BCKDHB: variants seen among roughly 807,000 people sequenced by gnomAD.
BCKDHB encodes 2-oxoisovalerate dehydrogenase subunit beta, mitochondrial.
Under a neutral mutation model 48.5 loss-of-function variants are expected in BCKDHB, and 41 were observed. That is an observed-to-expected ratio of 0.85 (90% CI 0.66 to 1.10). BCKDHB has a LOEUF of 1.10. Among genes scored for constraint, BCKDHB ranks in the 50% least tolerant of loss-of-function variants. The probability of loss-of-function intolerance (pLI) is 0.00; values close to 1 mark genes in which losing one functional copy is unlikely to be tolerated. For missense variants in BCKDHB, 496 were observed against 494.2 expected (o/e 1.00, Z -0.03); for synonymous variants, 201 against 174.8 (o/e 1.15, Z -1.18).
the BCKDHB span, among the ~76,000 whole-genome samples, chr6:80,398,247 A>G: frequency 5.2e-5 from 1 of 19,312 alleles, no homozygotes. Context: ...AAACTGAAGG[A>G]GATTGAGAAA....
intron 8 of BCKDHB, among the ~76,000 whole-genome samples, chr6:80,270,497 G>A (rs1237690815): frequency 6.6e-6 from 1 of 151,918 alleles, no homozygotes; most frequent in Non-Finnish European, 1.5e-5. Context: ...TAGACAAGTG[G>A]CAATTTCCAC....
the BCKDHB span, among the ~76,000 whole-genome samples, chr6:80,397,358 C>T: frequency 6.6e-6 from 1 of 152,184 alleles, no homozygotes; most frequent in Non-Finnish European, 1.5e-5. Context: ...TATTGCTACT[C>T]TTGTTTCCTT....
In BCKDHB at chr6:80,145,427, T is replaced by C. The variant is rs976672258; in HGVS notation, c.343+16198T>C. ...GGGGACTTTCCCCCAAACCACCTCA[T>C]CCATACATCAAATCTAAGTAAAAAC... On this transcript the variant is annotated intron_variant, in intron 3 of 9. Transcript: ENST00000320393. Among the ~76,000 whole-genome samples, 7 of 152,296 alleles carry C rather than the reference T, an allele frequency of 4.6e-5. No homozygotes were observed. In the East Asian group the frequency reaches 1.4e-3, roughly 29 times the overall value.
At chr6:80,373,518 C>G in the BCKDHB span, among the ~76,000 whole-genome samples, 9 of 151,986 alleles carry the variant, frequency 5.9e-5, no homozygotes, top group Non-Finnish European at 8.8e-5. Context: ...TCTTGTTTCT[C>G]TAGTTCCTTG....
chr6:80,375,175 T>G, the BCKDHB span, among the ~76,000 whole-genome samples: 1 of 152,124 alleles, frequency 6.6e-6, no homozygotes, highest in African/African-American at 2.4e-5. Flanking sequence ...TCTTTGAGCT[T>G]CTTGGATTTG....
At chr6:80,253,616 A>G (rs1399517390) in intron 8 of BCKDHB, among the ~76,000 whole-genome samples, 1 of 152,162 alleles carries the variant, frequency 6.6e-6, no homozygotes, top group African/African-American at 2.4e-5. Flanking sequence ...GACATGGATG[A>G]TAGGGAAAAA....
chr6:80,403,157 T>G, the BCKDHB span, among the ~76,000 whole-genome samples: 1 of 151,922 alleles, frequency 6.6e-6, no homozygotes, highest in Admixed American at 6.6e-5. Context: ...ATTGTAATTT[T>G]GATAGGAATT....
intron 8 of BCKDHB, among the ~76,000 whole-genome samples, chr6:80,210,782 A>G (rs1406249372): frequency 6.6e-6 from 1 of 152,076 alleles, no homozygotes; most frequent in African/African-American, 2.4e-5. Flanking sequence ...TGTCATGCTG[A>G]TGTGAAACAG....
the BCKDHB span, among the ~76,000 whole-genome samples, chr6:80,448,445 G>A: frequency 9.9e-4 from 150 of 152,144 alleles, 1 homozygote; most frequent in Non-Finnish European, 2.8e-4. Flanking sequence ...CCAATCAGGA[G>A]GTTGCTCAGT....
chr6:80,251,135 T>A (rs1776821026), intron 8 of BCKDHB, among the ~76,000 whole-genome samples: 1 of 152,166 alleles, frequency 6.6e-6, no homozygotes, highest in South Asian at 2.1e-4. Context: ...GTTGAGGATC[T>A]TTCATTTGGT....
Position 80,115,092 on chromosome 6 carries a change from TAC to T in BCKDHB, c.196+8208_196+8209del, listed in dbSNP as rs369045738. ...TTCCTTTCTTATCATGGATATGTGA[TAC>T]ACACTGGTACCTTACAAAGGCAATT... On this transcript the variant is annotated intron_variant, in intron 1 of 9. Coordinates refer to ENST00000320393, the MANE Select transcript of BCKDHB (RefSeq NM_183050.4). Among the ~76,000 whole-genome samples the T allele has an allele frequency of 5.9e-4, 90 of 152,346 alleles. No individual in the cohort carries two copies. The East Asian group carries it at 0.016, about 27-fold the overall frequency.
intron 9 of BCKDHB, among the ~76,000 whole-genome samples, chr6:80,323,817 G>C (rs1011268199): frequency 6.6e-6 from 1 of 152,152 alleles, no homozygotes; most frequent in African/African-American, 2.4e-5. Context: ...CTGTTGCCCA[G>C]GCTGGCGTGC....
the BCKDHB span, among the ~76,000 whole-genome samples, chr6:80,382,753 G>A: frequency 6.6e-6 from 1 of 152,010 alleles, no homozygotes; most frequent in Non-Finnish European, 1.5e-5. Flanking sequence ...GAACCAATGT[G>A]CCAATAAATG....
intron 9 of BCKDHB, among the ~76,000 whole-genome samples, chr6:80,317,119 C>T (rs1245604493): frequency 6.6e-6 from 1 of 152,194 alleles, no homozygotes. Flanking sequence ...GCTTCTGATA[C>T]ACACTTAGGG....
chr6:80,266,554 A>AGT lies in BCKDHB; in HGVS notation c.952-6578_952-6577dup, dbSNP rs1777522146. Among the ~76,000 whole-genome samples the AGT allele has an allele frequency of 2.0e-5, 3 of 152,038 alleles. No individual in the cohort carries two copies. In the South Asian group the frequency reaches 6.2e-4, roughly 31 times the overall value. On this transcript the variant is annotated intron_variant, in intron 8 of 9. Transcript: ENST00000320393. ...GGAAGCTTGTGTTCAGTACTAACTC[A>AGT]GTGTTTGTGTATTTGTTACCATCAT...
chr6:80,341,647 A>T (rs2322759), intron 9 of BCKDHB, among the ~76,000 whole-genome samples: 118,079 of 152,182 alleles, frequency 0.78, 46,190 homozygotes, highest in Admixed American at 0.84. Flanking sequence ...TACCAACAGA[A>T]CTTCTTGTGG....
chr6:80,232,321 G>T (rs1775961582), intron 8 of BCKDHB, among the ~76,000 whole-genome samples: 1 of 151,454 alleles, frequency 6.6e-6, no homozygotes. Flanking sequence ...AAACCAGAGA[G>T]CTAAAATCGA....
intron 8 of BCKDHB, among the ~76,000 whole-genome samples, chr6:80,210,015 A>G (rs538250075): frequency 1.5e-4 from 23 of 151,930 alleles, no homozygotes; most frequent in Non-Finnish European, 3.1e-4. Flanking sequence ...TTCAACTCTC[A>G]TAGACTATTG....
intron 3 of BCKDHB, among the ~76,000 whole-genome samples, chr6:80,163,514 A>G (rs557040878): frequency 1.4e-4 from 21 of 151,956 alleles, no homozygotes; most frequent in African/African-American, 4.6e-4. Flanking sequence ...TTCCTTCTCA[A>G]CTTGGCTGAT....
Sources: gnomAD v4.1 joint callset for allele counts (sites outside exome capture counted in the v4.1 genomes callset) on GRCh38, gnomAD v4.1.1 for gene constraint, MANE v1.5 for transcripts, NCBI Gene and HGNC (gene_info 2026-07-23, HGNC 2026-07-21) for gene names.